Variants in WEE1 observed in about 807,000 individuals in gnomAD.
The protein encoded by WEE1 is wee1-like protein kinase.
A neutral mutation model predicts 68.8 loss-of-function variants in WEE1; 16 were observed. That is an observed-to-expected ratio of 0.23 (90% CI 0.16 to 0.35). The LOEUF is 0.35. Among genes scored for constraint, WEE1 ranks in the 10% least tolerant of loss-of-function variants. The pLI is 1.00. For missense variants in WEE1, 651 were observed against 824.1 expected, an observed-to-expected ratio of 0.79 and a Z score of 2.57; for synonymous variants, 349 against 318.7, an observed-to-expected ratio of 1.09 and a Z score of -1.01.
intron 10 of WEE1, among the ~76,000 whole-genome samples, chr11:9,587,169 C>T (rs1461181853): frequency 1.3e-5 from 2 of 152,128 alleles, no homozygotes; most frequent in African/African-American, 4.8e-5. Context: ...CCATGTTGCC[C>T]AGGCTGGTCT....
chr11:9,583,912 C>G (rs1420355282), intron 6 of WEE1, among the ~76,000 whole-genome samples: 1 of 143,720 alleles, frequency 7.0e-6, no homozygotes, highest in Non-Finnish European at 1.5e-5. Flanking sequence ...GTAGTGCGAT[C>G]TCGGCTCACT....
Position 9,581,536 on chromosome 11 carries a change from A to C in WEE1, c.1146A>C (p.Gly382=). 1 of 1,591,284 alleles carries C rather than the reference A, an allele frequency of 6.3e-7. No homozygotes were observed. Among genetic ancestry groups the C allele is most frequent in the Non-Finnish European group, 8.5e-7 (1 of 1,174,252 alleles). ...AATATTTTCTATCTTTGTTAGGTGG[A>C]AGTTTAGCTGATGCTATAAGTGAAA... ...MLIQNEYCNG[G]SLADAISENY... Residue 382 remains glycine, a synonymous_variant, in exon 6 of 11, where the codon GGA becomes GGC. Transcript: ENST00000450114.
Position 9,589,602 on chromosome 11 carries a change from T to C in WEE1, c.*1000T>C, listed in dbSNP as rs1849740127. ...TCACAAAATATATTTTATCTGTGAT[T>C]AGCCATTTGACTAATAATACTGGCT... On this transcript the variant is annotated 3_prime_UTR_variant, in exon 11 of 11. Coordinates refer to ENST00000450114, the MANE Select transcript of WEE1 (RefSeq NM_003390.4). 1.0e-6 allele frequency: 1 copy of C among 985,724 alleles called. No homozygotes were observed. The highest frequency in any genetic ancestry group is 1.7e-5 in the African/African-American group (1 of 57,254). The allele number at this position is 985,724 out of a possible 1,614,324, so 61.1% of individuals were successfully genotyped here. A position where few individuals can be genotyped will look rare whatever the true frequency, so the allele number is the denominator to read the frequency against.
chr11:9,585,269 A>T lies in WEE1; in HGVS notation c.1300A>T (p.Ile434Leu), dbSNP rs147537355. Residue 434 changes from isoleucine (I) to leucine (L), a missense_variant, in exon 7 of 11, where the codon ATA becomes TTA. Physicochemically the swap from Ile to Leu is conservative, Grantham distance 5. Transcript: ENST00000450114. The part of the protein sequence containing the change: ...HMDIKPSNIF[I>L]SRTSIPNAAS... ...TAACTGTTTGACAGGTAATATTTTC[A>T]TATCTCGAACCTCAATCCCAAATGC... 1.2e-6 allele frequency: 2 copies of T among 1,613,174 alleles called. No individual in the cohort carries two copies. The highest frequency in any genetic ancestry group is 2.7e-5 in the African/African-American group (2 of 75,024).
chr11:9,584,330 G>T lies in WEE1; in HGVS notation c.1289-928G>T, dbSNP rs144742982. Among the ~76,000 whole-genome samples the T allele has an allele frequency of 4.0e-3, 608 of 152,040 alleles. 3 individuals are homozygous for T. The highest frequency in any genetic ancestry group is 0.014 in the African/African-American group (581 of 41,468). On this transcript the variant is annotated intron_variant, in intron 6 of 10. Transcript: ENST00000450114. ...TAATTTTTTTCTTTTTCTTTTTGTA[G>T]AGACAGGGTCTCACTATCTTGCCCA...
Position 9,589,018 on chromosome 11 carries a change from T to C in WEE1, c.*416T>C. ...ATTACTACTCAGCCTTCAATGTACC[T>C]GTGTGTCCATCTTATATTTCTTTTT... is the stretch of plus-strand genomic sequence containing the variant. On this transcript the variant is annotated 3_prime_UTR_variant, in exon 11 of 11. Coordinates refer to ENST00000450114, the MANE Select transcript of WEE1 (RefSeq NM_003390.4). 1 of 985,274 alleles carries C rather than the reference T, an allele frequency of 1.0e-6. No individual in the cohort carries two copies. Among genetic ancestry groups the C allele is most frequent in the Non-Finnish European group, 1.2e-6 (1 of 829,696 alleles). The allele number at this position is 985,274 out of a possible 1,614,324, so 61.0% of individuals were successfully genotyped here. A position where few individuals can be genotyped will look rare whatever the true frequency, so the allele number is the denominator to read the frequency against.
Position 9,588,674 on chromosome 11 carries a change from A to G in WEE1, c.*72A>G. ...TAGGTTGAAATCACTGATAGAATCC[A>G]GTTTGCAATTACTTTCTCGATTGGT... On this transcript the variant is annotated 3_prime_UTR_variant, in exon 11 of 11. Coordinates refer to ENST00000450114, the MANE Select transcript of WEE1 (RefSeq NM_003390.4). The G allele has an allele frequency of 1.4e-6, 2 of 1,405,210 alleles. No individual in the cohort carries two copies. The highest frequency in any genetic ancestry group is 1.9e-6 in the Non-Finnish European group (2 of 1,078,010). 87.0% of individuals were successfully genotyped at this position (1,405,210 alleles called of 1,614,324 possible). A position where few individuals can be genotyped will look rare whatever the true frequency, so the allele number is the denominator to read the frequency against.
In WEE1 at chr11:9,574,831, C is replaced by T. The variant is rs1265790184; in HGVS notation, c.576+322C>T. 44 of 993,760 alleles carry T rather than the reference C, an allele frequency of 4.4e-5. No individual in the cohort carries two copies. Among genetic ancestry groups the T allele is most frequent in the Non-Finnish European group, 5.0e-5 (42 of 835,550 alleles). 61.6% of individuals were successfully genotyped at this position (993,760 alleles called of 1,614,324 possible). The stretch of plus-strand genomic sequence containing the variant: ...CGAGTGCGGCACCGATAACGCGGTT[C>T]GCGAGGATGCTGGAGGGTGCCGGCC... On this transcript the variant is annotated intron_variant, in intron 1 of 10. Transcript: ENST00000450114. This position sits in a 1 kb window ranked among gnomAD's most constrained non-coding sequence, Gnocchi z 4.9.
chr11:9,581,818 T>C, intron 6 of WEE1, 140 bp downstream of exon 6: 2 of 847,678 alleles, frequency 2.4e-6, no homozygotes, highest in Non-Finnish European at 3.4e-6. Flanking sequence ...CTTACCAATA[T>C]TGTTTTATGA....
intron 6 of WEE1, among the ~76,000 whole-genome samples, chr11:9,583,761 G>GCACACACACACACA (rs1157681380): frequency 1.0e-4 from 5 of 48,950 alleles, no homozygotes; most frequent in African/African-American, 3.0e-4. Context: ...GCACGCGCGC[G>GCACACACACACACA]CACACACACA....
In WEE1 at chr11:9,574,576, C is replaced by T; in HGVS notation, c.576+67C>T. 8.8e-7 allele frequency: 1 copy of T among 1,138,224 alleles called. No individual in the cohort carries two copies. Among genetic ancestry groups the T allele is most frequent in the Non-Finnish European group, 1.1e-6 (1 of 930,200 alleles). The allele number at this position is 1,138,224 out of a possible 1,614,324, so 70.5% of individuals were successfully genotyped here. ...GCGCCGGAGGGGCCAGCGCCGCTGC[C>T]TGGGTTCGGTTACAGAAGCGGCCGG... On this transcript the variant is annotated intron_variant, in intron 1 of 10. Coordinates refer to ENST00000450114, the MANE Select transcript of WEE1 (RefSeq NM_003390.4). This position sits in a 1 kb window ranked among gnomAD's most constrained non-coding sequence, Gnocchi z 4.9.
At position 9,574,077 on chromosome 11, in the gene WEE1, C is replaced by T. The variant is rs546383175; in HGVS notation, c.144C>T (p.Ser48=). The T allele has an allele frequency of 1.1e-3, 1,414 of 1,241,792 alleles. 3 individuals carry two copies. Among genetic ancestry groups the T allele is most frequent in the Non-Finnish European group, 1.3e-3 (1,309 of 991,980 alleles). 76.9% of individuals were successfully genotyped at this position (1,241,792 alleles called of 1,614,324 possible). A position where few individuals can be genotyped will look rare whatever the true frequency, so the allele number is the denominator to read the frequency against. Residue 48 remains serine, a synonymous_variant, in exon 1 of 11, where the codon AGC becomes AGT. Transcript: ENST00000450114. The surrounding 1 kb of genome is among the most constrained non-coding windows in gnomAD (Gnocchi z 4.9). ...AGGAGGAGGAGGGCAGCGGCCACAG[C>T]ACCGGGGAGGACTCGGCCTTTCAAG... ...EEEEEEGSGH[S]TGEDSAFQEP...
At position 9,574,009 on chromosome 11, in the gene WEE1, ATCT is replaced by A. The variant is rs1162433889; in HGVS notation, c.80_82del (p.Phe27del). Reference sequence around the variant, plus strand: ...GGCCTGCACCTTGCGGCAGAAGCTGATCTTCTCGCCCTGCAGCGACTGTGAGGA... The same window carrying A: ...GGCCTGCACCTTGCGGCAGAAGCTGATCTCGCCCTGCAGCGACTGTGAGGA... On this transcript the variant is annotated inframe_deletion, in exon 1 of 11. Transcript: ENST00000450114. This position sits in a 1 kb window ranked among gnomAD's most constrained non-coding sequence, Gnocchi z 4.9. 7 of 1,287,222 alleles carry A rather than the reference ATCT, an allele frequency of 5.4e-6. No homozygotes were observed. The highest frequency in any genetic ancestry group is 5.9e-6 in the Non-Finnish European group (6 of 1,016,590). 79.7% of individuals were successfully genotyped at this position (1,287,222 alleles called of 1,614,324 possible).
chr11:9,581,383 T>A, intron 5 of WEE1, 149 bp from the exon 6 acceptor site: 2 of 651,412 alleles, frequency 3.1e-6, no homozygotes, highest in Non-Finnish European at 5.0e-6. Context: ...ACAATAAAAT[T>A]TTGATTTCAC....
rs184307280 is a variant in WEE1 at position 9,576,413 on chromosome 11, G to A, written c.847-74G>A. On this transcript the variant is annotated intron_variant, in intron 3 of 10. Transcript: ENST00000450114. This position sits in a 1 kb window ranked among gnomAD's most constrained non-coding sequence, Gnocchi z 4.3. ...GAATGGTTTTTAAATTTCACACATA[G>A]CCCTATCACCATAGCAAGAAATAAC... The A allele has an allele frequency of 1.0e-4, 158 of 1,569,462 alleles. 2 individuals are homozygous for A. In the African/African-American group the frequency reaches 2.1e-3, roughly 20 times the overall value.
At chr11:9,580,214 C>T (rs1289649264) in intron 5 of WEE1, 1 of 134,656 alleles carries the variant, frequency 7.4e-6, no homozygotes, top group African/African-American at 2.9e-5. Context: ...ATTGGTACAG[C>T]CTTCTCTGTG....
intron 10 of WEE1, 93 bp from the exon 11 acceptor site, chr11:9,588,356 C>T: frequency 1.3e-6 from 1 of 781,618 alleles, no homozygotes; most frequent in Non-Finnish European, 1.9e-6. Context: ...ATAATGATGG[C>T]ATGCAAATAT....
rs2134337240 is a variant in WEE1, at chr11:9,574,164, C to A, written c.231C>A (p.Arg77=). ...CGGAGCCCGGGCCCGAGCGCCGCCG[C>A]TCGCCCGGGCCGGCCCCCGGCAGCC... is the stretch of plus-strand genomic sequence containing the variant. ...SPTEPGPERR[R]SPGPAPGSPG... is the part of the protein sequence containing the mutation. The change falls in exon 1 of 11, where the codon CGC becomes CGA. Residue 77 remains arginine, a synonymous_variant. Coordinates refer to ENST00000450114, the MANE Select transcript of WEE1 (RefSeq NM_003390.4). This position sits in a 1 kb window ranked among gnomAD's most constrained non-coding sequence, Gnocchi z 4.9. 1 of 1,185,780 alleles carries A rather than the reference C, an allele frequency of 8.4e-7. No homozygotes were observed. The highest frequency in any genetic ancestry group is 1.0e-6 in the Non-Finnish European group (1 of 959,152). The allele number at this position is 1,185,780 out of a possible 1,614,324, so 73.5% of individuals were successfully genotyped here.
At chr11:9,577,332 A>G (rs1375938766) in intron 5 of WEE1, 69 bp downstream of exon 5, 34 of 1,546,472 alleles carry the variant, frequency 2.2e-5, no homozygotes, top group Middle Eastern at 1.7e-4. Flanking sequence ...ATGGTTATCT[A>G]AAATCTTGCT....
Sources: gnomAD v4.1 joint callset for allele counts (sites outside exome capture counted in the v4.1 genomes callset) on GRCh38, gnomAD v4.1.1 for gene constraint, Gnocchi (gnomAD v3.1) non-coding constraint, MANE v1.5 for transcripts, NCBI Gene and HGNC (gene_info 2026-07-23, HGNC 2026-07-21) for gene names.